IBA57: variants seen among roughly 807,000 people sequenced by gnomAD.
IBA57 encodes the protein iron-sulfur cluster assembly factor IBA57, mitochondrial.
A neutral mutation model predicts 20.4 loss-of-function variants in IBA57; 20 were observed. The ratio of observed to expected loss-of-function variants is 0.98; its 90% CI spans 0.69 to 1.42. The LOEUF is 1.42. IBA57 is among the 40% of genes most tolerant of loss of function. The probability of loss-of-function intolerance (pLI) is 0.00; values close to 1 mark genes in which losing one functional copy is unlikely to be tolerated. For missense variants in IBA57, 608 were observed against 499.3 expected (o/e 1.22, Z -2.07); for synonymous variants, 310 against 233.9 (o/e 1.33, Z -2.97).
At chr1:228,172,270 A>T (rs974787829) in intron 1 of IBA57, 1 of 152,160 alleles carries the variant, frequency 6.6e-6, no homozygotes, top group African/African-American at 2.4e-5. Context: ...GCGTCTGTGC[A>T]CGCATGTGTA....
In IBA57 at chr1:228,179,784, A is replaced by C. The variant is rs2035078684; in HGVS notation, c.*4271A>C. On this transcript the variant is annotated 3_prime_UTR_variant, in exon 3 of 3. Transcript: ENST00000366711. ...ATTAAAAGCAACAGTGGAAGCCAGA[A>C]AGATAGTAAATAATATCTTCAAAGT... The C allele has an allele frequency of 6.6e-6, 1 of 152,248 alleles. No individual in the cohort carries two copies. Among genetic ancestry groups the C allele is most frequent in the African/African-American group, 2.4e-5 (1 of 41,464 alleles). 9.4% of individuals were successfully genotyped at this position (152,248 alleles called of 1,614,324 possible).
chr1:228,166,890 C>A (rs146114555), intron 1 of IBA57, among the ~76,000 whole-genome samples: 81 of 152,340 alleles, frequency 5.3e-4, no homozygotes, highest in African/African-American at 1.8e-3. Context: ...TTGTTCTCTT[C>A]AGCTTACTCC....
chr1:228,175,925 C>G lies in IBA57; in HGVS notation c.*412C>G, dbSNP rs372467645. The G allele has an allele frequency of 2.3e-5, 4 of 173,066 alleles. No individual in the cohort carries two copies. The highest frequency in any genetic ancestry group is 3.5e-4 in the East Asian group (2 of 5,760). The allele number at this position is 173,066 out of a possible 1,614,324, so 10.7% of individuals were successfully genotyped here. ...CTGTGCCTGGAAGCGGGGTGGTGTC[C>G]AGGGTCTGCAGGCTGGGGCTCGGGC... is the stretch of plus-strand genomic sequence containing the variant. On this transcript the variant is annotated 3_prime_UTR_variant, in exon 3 of 3. Coordinates refer to ENST00000366711, the MANE Select transcript of IBA57 (RefSeq NM_001010867.4).
rs2034990564 is a variant in IBA57 at position 228,175,046 on chromosome 1, C to T, written c.679+17C>T. 4 of 1,559,666 alleles carry T rather than the reference C, an allele frequency of 2.6e-6. No individual in the cohort carries two copies. Among genetic ancestry groups the T allele is most frequent in the Non-Finnish European group, 3.5e-6 (4 of 1,150,058 alleles). On this transcript the variant is annotated intron_variant, in intron 2 of 2. Coordinates refer to ENST00000366711, the MANE Select transcript of IBA57 (RefSeq NM_001010867.4). ...ACCTGCAAGGTATGGGTGGGGTGGG[C>T]ACGCTGGGCTGGATTGCACGGGTGG...
At chr1:228,172,064 C>G (rs1190476123) in intron 1 of IBA57, 1 of 97,284 alleles carries the variant, frequency 1.0e-5, no homozygotes, top group Non-Finnish European at 2.0e-5. Context: ...AGGCGAAGCT[C>G]CTTGTTTTTT....
rs1009745418 is a variant in IBA57, at chr1:228,179,596, G to A, written c.*4083G>A. 3 of 152,184 alleles carry A rather than the reference G, an allele frequency of 2.0e-5. No individual in the cohort carries two copies. The highest frequency in any genetic ancestry group is 7.2e-5 in the African/African-American group (3 of 41,450). 9.4% of individuals were successfully genotyped at this position (152,184 alleles called of 1,614,324 possible). ...GCTGAGAACTTTCCCAAACCAACAG[G>A]AGCCCCTGCTCCTTAGGTTCAGGAA... On this transcript the variant is annotated 3_prime_UTR_variant, in exon 3 of 3. Transcript: ENST00000366711.
intron 1 of IBA57, chr1:228,172,865 G>C (rs559593129): frequency 6.6e-6 from 1 of 152,298 alleles, no homozygotes; most frequent in African/African-American, 2.4e-5. Context: ...TGACCTTTCC[G>C]CGGCACACCT....
chr1:228,175,561 G>A lies in IBA57; in HGVS notation c.*48G>A. 1 of 1,517,480 alleles carries A rather than the reference G, an allele frequency of 6.6e-7. No individual in the cohort carries two copies. Among genetic ancestry groups the A allele is most frequent in the South Asian group, 1.3e-5 (1 of 75,750 alleles). The allele number at this position is 1,517,480 out of a possible 1,614,324, so 94.0% of individuals were successfully genotyped here. A position where few individuals can be genotyped will look rare whatever the true frequency, so the allele number is the denominator to read the frequency against. ...GCTGATGGGGAGGCTGGGGCCTGGG[G>A]CCTTTGGCCTCTGTCCAGGGTCTTC... is the stretch of plus-strand genomic sequence containing the variant. On this transcript the variant is annotated 3_prime_UTR_variant, in exon 3 of 3. Coordinates refer to ENST00000366711, the MANE Select transcript of IBA57 (RefSeq NM_001010867.4).
At chr1:228,174,172 G>T (rs1160652410) in intron 1 of IBA57, among the ~76,000 whole-genome samples, 1 of 121,418 alleles carries the variant, frequency 8.2e-6, no homozygotes, top group Non-Finnish European at 1.7e-5. Context: ...TGTGGGCGTG[G>T]CTCGCTGTGG....
In IBA57 at chr1:228,180,273, G is replaced by A. The variant is rs1342219189; in HGVS notation, c.*4760G>A. 6.6e-6 allele frequency: 1 copy of A among 152,042 alleles called. No homozygotes were observed. Among genetic ancestry groups the A allele is most frequent in the Non-Finnish European group, 1.5e-5 (1 of 68,028 alleles). 9.4% of individuals were successfully genotyped at this position (152,042 alleles called of 1,614,324 possible). A position where few individuals can be genotyped will look rare whatever the true frequency, so the allele number is the denominator to read the frequency against. On this transcript the variant is annotated 3_prime_UTR_variant, in exon 3 of 3. Coordinates refer to ENST00000366711, the MANE Select transcript of IBA57 (RefSeq NM_001010867.4). ...CCTAGAGCGTCTAAGGCATGTCTGG[G>A]CTTCTGGCGAGGGATCCTGTGGGGA...
At position 228,166,071 on chromosome 1, in the gene IBA57, C is replaced by CGCGGGGGCCCCGCCTGCT; in HGVS notation, c.259_276dup (p.Gly87_Ala92dup). On this transcript the variant is annotated inframe_insertion, in exon 1 of 3. Coordinates refer to ENST00000366711, the MANE Select transcript of IBA57 (RefSeq NM_001010867.4). ...AACTGCCGCTTCCGAGTCCTGCGGCCGCGGGGGCCCCGCCTGCTGCGCGCG... is the reference window on the plus strand; with the variant it reads ...AACTGCCGCTTCCGAGTCCTGCGGCCGCGGGGGCCCCGCCTGCTGCGGGGGCCCCGCCTGCTGCGCGCG... 1 of 1,537,150 alleles carries CGCGGGGGCCCCGCCTGCT rather than the reference C, an allele frequency of 6.5e-7. No individual in the cohort carries two copies. Among genetic ancestry groups the CGCGGGGGCCCCGCCTGCT allele is most frequent in the Non-Finnish European group, 8.7e-7 (1 of 1,145,094 alleles).
intron 1 of IBA57, among the ~76,000 whole-genome samples, chr1:228,166,421 A>AGG (rs1312085019): frequency 6.6e-6 from 1 of 152,086 alleles, no homozygotes; most frequent in Non-Finnish European, 1.5e-5. Flanking sequence ...CACCCAGAGG[A>AGG]GGGCTTGGCT....
At chr1:228,168,214 C>T (rs1194380687) in intron 1 of IBA57, among the ~76,000 whole-genome samples, 1 of 152,180 alleles carries the variant, frequency 6.6e-6, no homozygotes, top group African/African-American at 2.4e-5. Flanking sequence ...CATTTCCATT[C>T]AGTGAAGTGG....
In IBA57 at chr1:228,174,816, G is replaced by T. The variant is rs147931678; in HGVS notation, c.466G>T (p.Glu156Ter). Reference sequence around the variant, plus strand: ...GAAGGTCACGGTGGAGCCGCACCCGGAGCTGCGAGTGTGGGCGGTGTTGCC... The same window carrying T: ...GAAGGTCACGGTGGAGCCGCACCCGTAGCTGCGAGTGTGGGCGGTGTTGCC... ...RRKVTVEPHPELRVWAVLPSS... is the reference protein window; with the variant it reads ...RRKVTVEPHP The change falls in exon 2 of 3, where the codon GAG becomes TAG. Residue 156 changes from glutamate (E) to a stop codon, truncating the protein, a stop_gained. Coordinates refer to ENST00000366711, the MANE Select transcript of IBA57 (RefSeq NM_001010867.4). LOFTEE classifies it high-confidence loss of function. 1 of 1,610,674 alleles carries T rather than the reference G, an allele frequency of 6.2e-7. No homozygotes were observed. Among genetic ancestry groups the T allele is most frequent in the Non-Finnish European group, 8.5e-7 (1 of 1,179,300 alleles).
chr1:228,165,859 G>C lies in IBA57; in HGVS notation c.43G>C (p.Gly15Arg). The C allele has an allele frequency of 7.6e-7, 1 of 1,309,708 alleles. No individual in the cohort carries two copies. Among genetic ancestry groups the C allele is most frequent in the Non-Finnish European group, 9.7e-7 (1 of 1,035,366 alleles). 81.1% of individuals were successfully genotyped at this position (1,309,708 alleles called of 1,614,324 possible). The change falls in exon 1 of 3, where the codon GGC becomes CGC. Residue 15 changes from glycine to arginine, a missense_variant. Transcript: ENST00000366711. ...ALLRGATPGRGGPVWRWRLRA... is the reference protein window; with the variant it reads ...ALLRGATPGRRGPVWRWRLRA... ...GCTTCGAGGCGCCACTCCGGGGCGC[G>C]GCGGCCCGGTCTGGCGCTGGCGGCT...
chr1:228,176,829 A>T lies in IBA57; in HGVS notation c.*1316A>T, dbSNP rs2035031639. On this transcript the variant is annotated 3_prime_UTR_variant, in exon 3 of 3. Transcript: ENST00000366711. ...CACCCAGGAGGAGGGTGTAGAGCGG[A>T]TGGACGGGAGGAAGCGGCTGCAGCT... 6.7e-6 allele frequency: 1 copy of T among 150,196 alleles called. No individual in the cohort carries two copies. The highest frequency in any genetic ancestry group is 1.5e-5 in the Non-Finnish European group (1 of 67,416). 9.3% of individuals were successfully genotyped at this position (150,196 alleles called of 1,614,324 possible). A position where few individuals can be genotyped will look rare whatever the true frequency, so the allele number is the denominator to read the frequency against.
chr1:228,169,783 C>T (rs527882620), intron 1 of IBA57, among the ~76,000 whole-genome samples: 100 of 152,338 alleles, frequency 6.6e-4, no homozygotes, highest in Non-Finnish European at 1.4e-3. Flanking sequence ...TAGTTGGACT[C>T]ATGCATCTGT....
rs1022779300 is a variant in IBA57 at position 228,166,048 on chromosome 1, C to T, written c.232C>T (p.Leu78=). 2.6e-6 allele frequency: 4 copies of T among 1,538,130 alleles called. No individual in the cohort carries two copies. Among genetic ancestry groups the T allele is most frequent in the Non-Finnish European group, 3.5e-6 (4 of 1,147,234 alleles). The change falls in exon 1 of 3, where the codon CTG becomes TTG. Residue 78 remains leucine, a synonymous_variant. Transcript: ENST00000366711. ...CCTGCTAGGGCTGCTGACCAATGAA[C>T]TGCCGCTTCCGAGTCCTGCGGCCGC... is the stretch of plus-strand genomic sequence containing the variant. The part of the protein sequence containing the change: ...PFLLGLLTNE[L]PLPSPAAAGA...
At chr1:228,169,623 T>C (rs2034897814) in intron 1 of IBA57, among the ~76,000 whole-genome samples, 1 of 152,180 alleles carries the variant, frequency 6.6e-6, no homozygotes, top group Admixed American at 6.5e-5. Context: ...AAATGTATGA[T>C]GACACATGTC....
Sources: allele counts gnomAD v4.1 joint callset (sites outside exome capture counted in the v4.1 genomes callset), GRCh38; gene constraint gnomAD v4.1.1; transcripts MANE v1.5; gene names NCBI Gene and HGNC (gene_info 2026-07-23, HGNC 2026-07-21).